RIF1: variants seen among roughly 807,000 people sequenced by gnomAD.
RIF1 encodes replication timing regulatory factor 1.
RIF1 carries 45 observed loss-of-function variants against 247.1 expected under a neutral mutation model. The observed-to-expected ratio is 0.18, with a 90% CI of 0.14 to 0.23. The LOEUF is 0.23. RIF1 is among the 10% of genes least tolerant of loss of function. The pLI, the probability that RIF1 is intolerant of heterozygous loss-of-function variation, is 1.00. For synonymous variants in RIF1, 1,087 were observed against 978.8 expected (o/e 1.11, Z -2.06); for missense variants, 2,967 against 2,862.5 (o/e 1.04, Z -0.83).
chr2:151,410,451 G>A lies in RIF1; in HGVS notation c.28G>A (p.Ala10Thr). 1 of 1,614,026 alleles carries A rather than the reference G, an allele frequency of 6.2e-7. No homozygotes were observed. The highest frequency in any genetic ancestry group is 1.7e-5 in the Admixed American group (1 of 60,028). The change falls in exon 2 of 36, where the codon GCG becomes ACG. Residue 10 changes from alanine (A) to threonine (T), a missense_variant. By Grantham distance (58) the Ala-to-Thr change is moderately conservative (BLOSUM62 0). Around this residue, in one of 7 missense-constraint regions of RIF1, gnomAD observed 269 missense variants for 288.6 expected, o/e 0.93. Transcript: ENST00000444746. Reference protein sequence around the residue: MTARGQSPLAPLLETLEDPS... With the variant: MTARGQSPLTPLLETLEDPS... ...GACGGCCAGGGGTCAGAGCCCCCTC[G>A]CGCCGCTGTTGGAGACTTTGGAAGA...
intron 6 of RIF1, among the ~76,000 whole-genome samples, chr2:151,419,187 C>CTT (rs754720846): frequency 1.3e-5 from 2 of 151,896 alleles, no homozygotes; most frequent in Non-Finnish European, 2.9e-5. Flanking sequence ...CTCAAGGCTA[C>CTT]TTTGCAGTTA....
chr2:151,414,833 C>A lies in RIF1; in HGVS notation c.194C>A (p.Ser65Tyr). 1 of 1,608,060 alleles carries A rather than the reference C, an allele frequency of 6.2e-7. No homozygotes were observed. Among genetic ancestry groups the A allele is most frequent in the Admixed American group, 1.7e-5 (1 of 59,204 alleles). ...RLYKVLKTHI[S>Y]SQNSELSSAA... is the part of the protein sequence containing the mutation. The stretch of plus-strand genomic sequence containing the variant: ...ATTTTGTTTTTGTAGACTCACATTT[C>A]CAGTCAAAACTCGGAGCTGAGTAGT... The change falls in exon 4 of 36, where the codon TCC becomes TAC. Residue 65 changes from serine (S) to tyrosine (Y), a missense_variant. Transcript: ENST00000444746.
Position 151,457,789 on chromosome 2 carries a change from C to T in RIF1, c.2681C>T (p.Ala894Val). 1 of 1,613,456 alleles carries T rather than the reference C, an allele frequency of 6.2e-7. No homozygotes were observed. The change falls in exon 24 of 36, where the codon GCT becomes GTT. Residue 894 changes from alanine to valine, a missense_variant. By Grantham distance (64) the Ala-to-Val change is moderately conservative. Transcript: ENST00000444746. ...GAAAAGCTACTGGGAGAAATTATTG[C>T]TTGTCTGCAATTCAGCTACACCGGA... ...KLEKLLGEII[A>V]CLQFSYTGTY... is the part of the protein sequence containing the mutation.
At chr2:151,523,343 C>T in the RIF1 span, among the ~76,000 whole-genome samples, 10,809 of 152,214 alleles carry the variant, frequency 0.071, 1,227 homozygotes, top group African/African-American at 0.24. Flanking sequence ...ATAATTCTAA[C>T]TTGTTCTGTC....
chr2:151,459,058 T>G lies in RIF1; in HGVS notation c.2955+148T>G, dbSNP rs574557515. 237 of 554,628 alleles carry G rather than the reference T, an allele frequency of 4.3e-4. 3 individuals carry two copies. The highest frequency in any genetic ancestry group is 3.3e-3 in the South Asian group (127 of 38,876). 34.4% of individuals were successfully genotyped at this position (554,628 alleles called of 1,614,324 possible). Reference sequence around the variant, plus strand: ...GTGGTGTGGCCTGAAATTTCTTTTGTGATTTTTCACTAGAGATTCTCATGT... The same window carrying G: ...GTGGTGTGGCCTGAAATTTCTTTTGGGATTTTTCACTAGAGATTCTCATGT... On this transcript the variant is annotated intron_variant, in intron 25 of 35. Transcript: ENST00000444746.
At chr2:151,451,083 C>T (rs985543563) in intron 20 of RIF1, among the ~76,000 whole-genome samples, 2 of 152,198 alleles carry the variant, frequency 1.3e-5, no homozygotes, top group African/African-American at 2.4e-5. Flanking sequence ...CAGTGTTTGA[C>T]TCAGCAGTTA....
chr2:151,523,466 C>G, the RIF1 span, among the ~76,000 whole-genome samples: 1 of 152,142 alleles, frequency 6.6e-6, no homozygotes, highest in Non-Finnish European at 1.5e-5. Context: ...TTTCTTCAAA[C>G]AGATACCTGA....
At chr2:151,501,362 A>C (rs2064392464) in intron 11 of RIF1, 2 of 1,353,040 alleles carry the variant, frequency 1.5e-6, no homozygotes, top group Non-Finnish European at 2.1e-6. Flanking sequence ...ATTTTTTAAT[A>C]TGGAGTTAAA....
At chr2:151,474,496 T>C (rs908428885) in intron 35 of RIF1, among the ~76,000 whole-genome samples, 4 of 152,138 alleles carry the variant, frequency 2.6e-5, no homozygotes, top group African/African-American at 7.2e-5. Context: ...CTGGGCAACA[T>C]GAAACCCAGC....
chr2:151,429,635 A>C (rs1174840662), intron 9 of RIF1, among the ~76,000 whole-genome samples: 1 of 152,230 alleles, frequency 6.6e-6, no homozygotes, highest in Non-Finnish European at 1.5e-5. Context: ...GATGATAGGA[A>C]GCAGTTGTGA....
intron 9 of RIF1, chr2:151,492,319 G>T (rs772460538): frequency 1.2e-6 from 2 of 1,600,148 alleles, no homozygotes; most frequent in East Asian, 4.5e-5. Context: ...AAATATGATG[G>T]TGTGACTATA....
At chr2:151,505,232 C>T (rs2067890637) in intron 12 of RIF1, among the ~76,000 whole-genome samples, 1 of 152,156 alleles carries the variant, frequency 6.6e-6, no homozygotes, top group Non-Finnish European at 1.5e-5. Context: ...GAAGCCAAGT[C>T]CATGAGCTTC....
rs371366495 is a variant in RIF1, at chr2:151,414,924, A to G, written c.280+5A>G. 2 of 1,548,734 alleles carry G rather than the reference A, an allele frequency of 1.3e-6. No homozygotes were observed. On this transcript the variant is annotated splice_donor_5th_base_variant and intron_variant, in intron 4 of 35. Transcript: ENST00000444746. Reference sequence around the variant, plus strand: ...AAATTACCTCAGAATTATCAGGTAGATAAATTTCTTATGACTTAATATTTT... The same window carrying G: ...AAATTACCTCAGAATTATCAGGTAGGTAAATTTCTTATGACTTAATATTTT...
rs2049167961 is a variant in RIF1, at chr2:151,481,547, T to C, written c.*6476T>C. On this transcript the variant is annotated 3_prime_UTR_variant, in exon 36 of 36. Coordinates refer to ENST00000444746, the MANE Select transcript of RIF1 (RefSeq NM_018151.5). ...CAGTCATTTATTAACCCTCTAATAT[T>C]GTTGTCCCGATCATTTGGTAAACGC... The C allele has an allele frequency of 1.3e-5, 2 of 152,222 alleles. No individual in the cohort carries two copies. The highest frequency in any genetic ancestry group is 1.3e-4 in the Admixed American group (2 of 15,286). The allele number at this position is 152,222 out of a possible 1,614,324, so 9.4% of individuals were successfully genotyped here.
chr2:151,516,116 T>C, the RIF1 span, among the ~76,000 whole-genome samples: 1 of 152,218 alleles, frequency 6.6e-6, no homozygotes, highest in African/African-American at 2.4e-5. Flanking sequence ...GAGTAGAGCA[T>C]TTCAAAGCCA....
chr2:151,493,890 C>A, intron 9 of RIF1: 1 of 1,435,792 alleles, frequency 7.0e-7, no homozygotes, highest in Non-Finnish European at 9.5e-7. Flanking sequence ...AAGTCATGCC[C>A]GAAAGTCACT....
At chr2:151,473,323 T>C (rs1262189877) in intron 34 of RIF1, among the ~76,000 whole-genome samples, 2 of 146,350 alleles carry the variant, frequency 1.4e-5, no homozygotes, top group African/African-American at 5.1e-5. Context: ...TTAAATACAG[T>C]GTCACTGTCA....
intron 11 of RIF1, among the ~76,000 whole-genome samples, chr2:151,500,242 C>G (rs1319820259): frequency 6.6e-6 from 1 of 152,048 alleles, no homozygotes; most frequent in Non-Finnish European, 1.5e-5. Context: ...AGTTACTGAT[C>G]TAATTATGTC....
chr2:151,464,567 T>C lies in RIF1; in HGVS notation c.5047T>C (p.Leu1683=). ...AAGGACTAGAAATGCCATTAAGAGATTACATAAGCGAGACTCTTTTGATAA... is the reference window on the plus strand; with the variant it reads ...AAGGACTAGAAATGCCATTAAGAGACTACATAAGCGAGACTCTTTTGATAA... ...NLRTRNAIKR[L]HKRDSFDNCS... Residue 1683 remains leucine, a synonymous_variant, in exon 30 of 36, where the codon TTA becomes CTA. Transcript: ENST00000444746. 1 of 1,613,028 alleles carries C rather than the reference T, an allele frequency of 6.2e-7. No individual in the cohort carries two copies. The highest frequency in any genetic ancestry group is 8.5e-7 in the Non-Finnish European group (1 of 1,179,388).
Sources: allele counts gnomAD v4.1 joint callset (sites outside exome capture counted in the v4.1 genomes callset), GRCh38; gene constraint gnomAD v4.1.1; regional missense constraint gnomAD v4.1.1; transcripts MANE v1.5; gene names NCBI Gene and HGNC (gene_info 2026-07-23, HGNC 2026-07-21).